The following FXYD6 variants were observed in gnomAD, a reference collection of about 807,000 sequenced individuals.
FXYD6 encodes FXYD domain containing ion transport regulator 6, also known as FXYD domain-containing ion transport regulator 6.
FXYD6 carries 7 observed loss-of-function variants against 16.7 expected under a neutral mutation model. The observed-to-expected ratio is 0.42, with a 90% confidence interval of 0.24 to 0.79. The LOEUF is 0.79. Among genes scored for constraint, FXYD6 ranks in the 30% least tolerant of loss-of-function variants. FXYD6 has a pLI of 0.28. For missense variants in FXYD6, 111 were observed against 116.2 expected (o/e 0.95, Z 0.21); for synonymous variants, 49 against 43.0 (o/e 1.14, Z -0.54).
chr11:117,855,129 T>C (rs1465277359), intron 1 of FXYD6, among the ~76,000 whole-genome samples: 1 of 152,202 alleles, frequency 6.6e-6, no homozygotes, highest in Non-Finnish European at 1.5e-5. Flanking sequence ...TCAGATAAGA[T>C]GGTTGGAATC....
intron 1 of FXYD6, among the ~76,000 whole-genome samples, chr11:117,859,198 T>TC (rs1424999144): frequency 4.6e-5 from 7 of 152,186 alleles, no homozygotes; most frequent in Non-Finnish European, 1.0e-4. Context: ...AGCCAGTGTG[T>TC]CCCGACCGCA....
At chr11:117,849,414 T>C (rs2056551753) in intron 1 of FXYD6, among the ~76,000 whole-genome samples, 1 of 152,260 alleles carries the variant, frequency 6.6e-6, no homozygotes, top group Non-Finnish European at 1.5e-5. Context: ...TATGACCTAG[T>C]ACATGGTCAG....
chr11:117,848,176 G>T (rs1041045421), intron 1 of FXYD6, among the ~76,000 whole-genome samples: 1 of 152,116 alleles, frequency 6.6e-6, no homozygotes, highest in Admixed American at 6.6e-5. Context: ...CACACAACAC[G>T]TGCACACTCA....
At position 117,872,927 on chromosome 11, in the gene FXYD6, C is replaced by T. The variant is rs1591599095; in HGVS notation, c.-6+3665G>A. 1.3e-5 allele frequency among the ~76,000 whole-genome samples: 2 copies of T among 152,310 alleles called. No individual in the cohort carries two copies. The highest frequency in any genetic ancestry group is 3.9e-4 in the East Asian group (2 of 5,178). On this transcript the variant is annotated intron_variant, in intron 1 of 7. Coordinates refer to ENST00000526014, the MANE Select transcript of FXYD6 (RefSeq NM_022003.4). The surrounding 1 kb of genome is among the most constrained non-coding windows in gnomAD (Gnocchi z 4.9). ...CCGACCGGCCCCTCTCGTTGCAACTCTCCAGCTGGCCAGGGGTTCTCCCTG... is the reference window on the plus strand; with the variant it reads ...CCGACCGGCCCCTCTCGTTGCAACTTTCCAGCTGGCCAGGGGTTCTCCCTG...
chr11:117,868,702 C>A (rs1412219716), intron 1 of FXYD6, among the ~76,000 whole-genome samples: 9 of 152,102 alleles, frequency 5.9e-5, no homozygotes, highest in Non-Finnish European at 1.3e-4. Flanking sequence ...AACAAATGTA[C>A]CACCCTAATG....
At chr11:117,851,434 T>A (rs1339675627) in intron 1 of FXYD6, among the ~76,000 whole-genome samples, 1 of 152,166 alleles carries the variant, frequency 6.6e-6, no homozygotes, top group Non-Finnish European at 1.5e-5. Flanking sequence ...ATGAACCACA[T>A]AAGTGAGCTT....
chr11:117,866,626 C>T (rs1458515722), intron 1 of FXYD6, among the ~76,000 whole-genome samples: 2 of 152,196 alleles, frequency 1.3e-5, no homozygotes, highest in Non-Finnish European at 2.9e-5. Context: ...CCCAGCGATG[C>T]CCCATCAGTC....
chr11:117,871,944 C>T lies in FXYD6; in HGVS notation c.-6+4648G>A, dbSNP rs187992221. ...AGCTCAGGCAGAGGGTGAGACAGTA[C>T]CAGGCTTCGGATGACCATCTGGAGA... is the stretch of plus-strand genomic sequence containing the variant. On this transcript the variant is annotated intron_variant, in intron 1 of 7. Transcript: ENST00000526014. Among the ~76,000 whole-genome samples, 3 of 152,306 alleles carry T rather than the reference C, an allele frequency of 2.0e-5. No individual in the cohort carries two copies. In the East Asian group the frequency reaches 5.8e-4, roughly 29 times the overall value.
chr11:117,867,856 A>T (rs2057043646), intron 1 of FXYD6, among the ~76,000 whole-genome samples: 1 of 152,114 alleles, frequency 6.6e-6, no homozygotes. Context: ...AAAGAAAGAA[A>T]GAAAGAAAAG....
At position 117,838,377 on chromosome 11, in the gene FXYD6, G is replaced by T. The variant is rs17121313; in HGVS notation, c.*22-100C>A. ...TGAGCACCTGCCCACTGAAATTCCC[G>T]GTATGACAGCCTCGTCTGAGACGCA... On this transcript the variant is annotated intron_variant, in intron 7 of 7. Coordinates refer to ENST00000526014, the MANE Select transcript of FXYD6 (RefSeq NM_022003.4). 1.2e-5 allele frequency: 8 copies of T among 694,690 alleles called. No homozygotes were observed. The East Asian group carries it at 2.2e-4, about 19-fold the overall frequency. 43.0% of individuals were successfully genotyped at this position (694,690 alleles called of 1,614,324 possible).
chr11:117,847,195 A>G (rs531286006), intron 1 of FXYD6, among the ~76,000 whole-genome samples: 12 of 152,310 alleles, frequency 7.9e-5, no homozygotes, highest in African/African-American at 2.9e-4. Flanking sequence ...TGATCTTTAC[A>G]TATTGATCTT....
intron 6 of FXYD6, 46 bp downstream of exon 6, chr11:117,840,273 C>G (rs1291258296): frequency 7.4e-6 from 12 of 1,612,958 alleles, no homozygotes; most frequent in Non-Finnish European, 1.0e-5. Context: ...AGAGGGGTCT[C>G]TCTGTTCCCT....
chr11:117,875,486 A>C (rs1565335655), intron 1 of FXYD6, among the ~76,000 whole-genome samples: 1 of 151,902 alleles, frequency 6.6e-6, no homozygotes, highest in Non-Finnish European at 1.5e-5. Flanking sequence ...GAAATGGAGG[A>C]GTTTCCATGG....
intron 1 of FXYD6, among the ~76,000 whole-genome samples, chr11:117,874,044 C>T (rs1490669357): frequency 3.3e-5 from 5 of 152,020 alleles, no homozygotes; most frequent in Non-Finnish European, 7.4e-5. Flanking sequence ...AAATCCTGGC[C>T]GAGGAGTTAG....
At chr11:117,875,743 TGCAGGCTTGCAGCAGGTGAC>T (rs1281250178) in intron 1 of FXYD6, among the ~76,000 whole-genome samples, 1 of 152,098 alleles carries the variant, frequency 6.6e-6, no homozygotes, top group East Asian at 1.9e-4. Context: ...CCCGCGAGCG[TGCAGGCTTGCAGCAGGTGAC>T]GCGGCAGACC....
At chr11:117,858,669 T>C in intron 1 of FXYD6, among the ~76,000 whole-genome samples, 1 of 85,576 alleles carries the variant, frequency 1.2e-5, no homozygotes, top group African/African-American at 5.2e-5. Flanking sequence ...CTTTCTTTCT[T>C]TCTTTCTTTC....
At chr11:117,841,521 T>A (rs2056343393) in intron 4 of FXYD6, 2 of 589,416 alleles carry the variant, frequency 3.4e-6, no homozygotes, top group Non-Finnish European at 6.0e-6. Flanking sequence ...GACTGCCCCA[T>A]TCATGCCCTA....
intron 1 of FXYD6, among the ~76,000 whole-genome samples, chr11:117,853,843 G>A (rs2056664053): frequency 6.6e-6 from 1 of 152,130 alleles, no homozygotes; most frequent in Non-Finnish European, 1.5e-5. Context: ...GTAGTGTTTG[G>A]TGTGGGGAGA....
intron 1 of FXYD6, among the ~76,000 whole-genome samples, chr11:117,862,553 GC>G (rs2056930694): frequency 6.6e-6 from 1 of 152,208 alleles, no homozygotes; most frequent in Non-Finnish European, 1.5e-5. Flanking sequence ...ACCAGGAGCT[GC>G]GGCTATCCCA....
Sources: allele counts gnomAD v4.1 joint callset (sites outside exome capture counted in the v4.1 genomes callset), GRCh38; gene constraint gnomAD v4.1.1; non-coding constraint Gnocchi (gnomAD v3.1); transcripts MANE v1.5; gene names NCBI Gene and HGNC (gene_info 2026-07-23, HGNC 2026-07-21).